The following MAGI2 variants were observed in gnomAD, a reference collection of about 807,000 sequenced individuals.
The protein encoded by MAGI2 is membrane associated guanylate kinase, WW and PDZ domain containing 2, also known as membrane-associated guanylate kinase, WW and PDZ domain-containing protein 2.
A neutral mutation model predicts 133.3 loss-of-function variants in MAGI2; 35 were observed. The observed-to-expected ratio is 0.26, with a 90% CI of 0.20 to 0.35. The LOEUF (loss-of-function observed/expected upper bound fraction) is 0.35, where lower values mean the gene tolerates loss of function less well. Among genes scored for constraint, MAGI2 ranks in the 10% least tolerant of loss-of-function variants. The pLI is 1.00. For synonymous variants in MAGI2, 729 were observed against 710.6 expected (o/e 1.03, Z -0.41); for missense variants, 1,636 against 1,863.4 (o/e 0.88, Z 2.25).
chr7:78,612,326 A>G (rs1307330899), intron 3 of MAGI2, among the ~76,000 whole-genome samples: 3 of 152,138 alleles, frequency 2.0e-5, no homozygotes, highest in Non-Finnish European at 4.4e-5. Context: ...AATTTTATGT[A>G]ATAGAATTAA....
intron 1 of MAGI2, among the ~76,000 whole-genome samples, chr7:79,416,533 T>C (rs999199782): frequency 6.6e-6 from 1 of 152,120 alleles, no homozygotes; most frequent in South Asian, 2.1e-4. Context: ...TGCACTTCTA[T>C]GTGAGTGCTG....
chr7:78,313,386 TTAACTG>T (rs1490334922), intron 9 of MAGI2, among the ~76,000 whole-genome samples: 1 of 151,974 alleles, frequency 6.6e-6, no homozygotes, highest in Non-Finnish European at 1.5e-5. Context: ...AAAAATGACA[TTAACTG>T]TACTGGAAAG....
At chr7:78,154,056 G>A (rs1331812757) in intron 16 of MAGI2, among the ~76,000 whole-genome samples, 1 of 152,128 alleles carries the variant, frequency 6.6e-6, no homozygotes, top group Non-Finnish European at 1.5e-5. Flanking sequence ...GAGTTTTGGT[G>A]GGGGAAATCC....
intron 1 of MAGI2, among the ~76,000 whole-genome samples, chr7:79,297,885 G>A (rs1232392607): frequency 6.6e-6 from 1 of 152,162 alleles, no homozygotes; most frequent in Non-Finnish European, 1.5e-5. Context: ...GTGGGAATGA[G>A]CAAGTTAATA....
In MAGI2 at chr7:79,131,868, G is replaced by A. The variant is rs185579368; in HGVS notation, c.302-124662C>T. 6.9e-4 allele frequency among the ~76,000 whole-genome samples: 105 copies of A among 151,846 alleles called. 2 individuals are homozygous for A. The East Asian group carries it at 0.018, about 25-fold the overall frequency. On this transcript the variant is annotated intron_variant, in intron 1 of 21. Transcript: ENST00000354212. ...TGTTTCGCAAATTTGAATGATAGCC[G>A]TACCCTTTCAAATAAAAAAATTGAT...
intron 1 of MAGI2, among the ~76,000 whole-genome samples, chr7:79,230,161 T>C (rs79314419): frequency 4.0e-5 from 6 of 151,408 alleles, no homozygotes; most frequent in African/African-American, 1.5e-4. Context: ...ATGGTGTATA[T>C]GTGCCACATT....
intron 1 of MAGI2, among the ~76,000 whole-genome samples, chr7:79,213,222 A>ATG (rs1829653935): frequency 6.6e-6 from 1 of 151,144 alleles, no homozygotes; most frequent in Non-Finnish European, 1.5e-5. Context: ...CTGTATATAT[A>ATG]TATGTGTGTG....
intron 21 of MAGI2, among the ~76,000 whole-genome samples, chr7:78,059,641 T>C (rs1813007582): frequency 6.6e-6 from 1 of 152,186 alleles, no homozygotes; most frequent in South Asian, 2.1e-4. Flanking sequence ...CTGACTATTC[T>C]GGTCATTATT....
At chr7:79,032,363 A>T (rs1269005706) in intron 1 of MAGI2, among the ~76,000 whole-genome samples, 1 of 151,950 alleles carries the variant, frequency 6.6e-6, no homozygotes, top group Non-Finnish European at 1.5e-5. Context: ...CTAAAAATAT[A>T]AAAAATTAGA....
intron 1 of MAGI2, among the ~76,000 whole-genome samples, chr7:79,198,230 G>A (rs777888804): frequency 2.0e-5 from 3 of 151,168 alleles, no homozygotes; most frequent in Non-Finnish European, 4.4e-5. Flanking sequence ...TCCTGCCTGG[G>A]TGACAGAGTG....
intron 10 of MAGI2, among the ~76,000 whole-genome samples, chr7:78,236,321 GAC>G (rs1790535267): frequency 6.6e-6 from 1 of 152,110 alleles, no homozygotes; most frequent in South Asian, 2.1e-4. Context: ...CCAGACAGAA[GAC>G]AGTCAGTAGA....
intron 2 of MAGI2, among the ~76,000 whole-genome samples, chr7:78,895,322 T>A (rs1204706052): frequency 6.6e-6 from 1 of 152,162 alleles, no homozygotes; most frequent in East Asian, 1.9e-4. Flanking sequence ...CCTCCAGAAC[T>A]GTTAGAAACA....
chr7:78,079,915 A>T (rs1471597864), intron 20 of MAGI2, among the ~76,000 whole-genome samples: 1 of 152,222 alleles, frequency 6.6e-6, no homozygotes, highest in African/African-American at 2.4e-5. Flanking sequence ...GGAACCCTTG[A>T]ATTAAAAAAT....
chr7:78,623,211 T>C (rs1487724358), intron 3 of MAGI2, among the ~76,000 whole-genome samples: 3 of 152,072 alleles, frequency 2.0e-5, no homozygotes, highest in African/African-American at 7.2e-5. Context: ...TCTTTATTTT[T>C]ACAAACAAAA....
intron 1 of MAGI2, among the ~76,000 whole-genome samples, chr7:79,330,060 G>T (rs1340238958): frequency 6.6e-6 from 1 of 151,452 alleles, no homozygotes; most frequent in Non-Finnish European, 1.5e-5. Context: ...AAGTATAGTT[G>T]CATATTAAAA....
intron 1 of MAGI2, among the ~76,000 whole-genome samples, chr7:79,416,730 TC>T (rs68019352): frequency 0.01 from 1,389 of 134,782 alleles, 146 homozygotes; most frequent in Non-Finnish European, 0.017. Flanking sequence ...TTTTTCTTTT[TC>T]TTTTTTTTTT....
Position 78,813,821 on chromosome 7 carries a change from A to G in MAGI2, c.419-186582T>C, listed in dbSNP as rs117140832. Reference sequence around the variant, plus strand: ...AAAAAAAAACACAAAAAGCAACAAAAAACTATCAGCAGGAACTGAAGGAAT... The same window carrying G: ...AAAAAAAAACACAAAAAGCAACAAAGAACTATCAGCAGGAACTGAAGGAAT... On this transcript the variant is annotated intron_variant, in intron 2 of 21. Coordinates refer to ENST00000354212, the MANE Select transcript of MAGI2 (RefSeq NM_012301.4). Among the ~76,000 whole-genome samples the G allele has an allele frequency of 7.2e-3, 1,093 of 151,626 alleles. 37 individuals are homozygous for G. Among genetic ancestry groups the G allele is most frequent in the Admixed American group, 0.047 (719 of 15,138 alleles).
chr7:79,175,860 A>C (rs1826047824), intron 1 of MAGI2, among the ~76,000 whole-genome samples: 1 of 152,036 alleles, frequency 6.6e-6, no homozygotes, highest in South Asian at 2.1e-4. Context: ...AAACATCATC[A>C]TGCAGCACAT....
chr7:78,381,369 G>T (rs985047170), intron 6 of MAGI2, among the ~76,000 whole-genome samples: 1 of 151,826 alleles, frequency 6.6e-6, no homozygotes, highest in Admixed American at 6.6e-5. Context: ...GAAAAGAAAA[G>T]AAACAACATG....
Sources: gnomAD v4.1 joint callset for allele counts (sites outside exome capture counted in the v4.1 genomes callset) on GRCh38, gnomAD v4.1.1 for gene constraint, MANE v1.5 for transcripts, NCBI Gene and HGNC (gene_info 2026-07-23, HGNC 2026-07-21) for gene names.